Variants in KPNB1 observed in about 807,000 individuals in gnomAD.
KPNB1 encodes the protein importin subunit beta-1.
In KPNB1, 7 loss-of-function variants were observed where a neutral mutation model predicts 113.0. That is an observed-to-expected ratio of 0.06 (90% CI 0.04 to 0.12). KPNB1 has a LOEUF of 0.12. Ranked by LOEUF, KPNB1 falls within the 10% of genes least tolerant of loss-of-function variation. The pLI is 1.00. For missense variants in KPNB1, 400 were observed against 1,054.8 expected (o/e 0.38, Z 8.60); for synonymous variants, 363 against 378.6 (o/e 0.96, Z 0.48).
chr17:47,661,517 G>A (rs1036500646), intron 6 of KPNB1, among the ~76,000 whole-genome samples: 12 of 152,248 alleles, frequency 7.9e-5, no homozygotes, highest in Non-Finnish European at 1.8e-4. Context: ...TACAAGAATC[G>A]CTTGAACCTG....
Position 47,669,794 on chromosome 17 carries a change from C to G in KPNB1, c.1341C>G (p.Val447=). ...TTCCTGAAGCTGCCATCAATGATGT[C>G]TACTTGGCTCCCCTGCTACAGTGTC... The part of the protein sequence containing the change: ...ELLPEAAIND[V]YLAPLLQCLI... Residue 447 remains valine (V), a synonymous_variant, in exon 11 of 22, where the codon GTC becomes GTG. Transcript: ENST00000290158. 1 of 1,614,148 alleles carries G rather than the reference C, an allele frequency of 6.2e-7. No homozygotes were observed. Among genetic ancestry groups the G allele is most frequent in the Non-Finnish European group, 8.5e-7 (1 of 1,180,008 alleles).
chr17:47,654,910 G>A (rs1186015057), intron 3 of KPNB1, among the ~76,000 whole-genome samples: 4 of 152,026 alleles, frequency 2.6e-5, no homozygotes, highest in Non-Finnish European at 5.9e-5. Context: ...TTGACATACC[G>A]TTTTTGTCCA....
rs1396758918 is a variant in KPNB1 at position 47,682,471 on chromosome 17, G to A, written c.*67G>A. 1 of 779,072 alleles carries A rather than the reference G, an allele frequency of 1.3e-6. No individual in the cohort carries two copies. 48.3% of individuals were successfully genotyped at this position (779,072 alleles called of 1,614,324 possible). A position where few individuals can be genotyped will look rare whatever the true frequency, so the allele number is the denominator to read the frequency against. ...AATCTCCCATCTTTTGAAAAACCTG[G>A]AAGTGAGGAGTGTGCACGGATGCTG... On this transcript the variant is annotated 3_prime_UTR_variant, in exon 22 of 22. Transcript: ENST00000290158.
In KPNB1 at chr17:47,670,690, T is replaced by C; in HGVS notation, c.1417-12T>C. On this transcript the variant is annotated splice_polypyrimidine_tract_variant and intron_variant, in intron 11 of 21. Transcript: ENST00000290158. ...TCTTTCAGGATTAACATTGAACCTA[T>C]GTGCATTTCAGGCTTTCTCCAGTCT... The C allele has an allele frequency of 6.2e-7, 1 of 1,605,114 alleles. No homozygotes were observed. Among genetic ancestry groups the C allele is most frequent in the Non-Finnish European group, 8.5e-7 (1 of 1,172,680 alleles).
rs1446697254 is a variant in KPNB1, at chr17:47,649,947, A to G, written c.-298A>G. 1.5e-6 allele frequency: 2 copies of G among 1,298,514 alleles called. No homozygotes were observed. The highest frequency in any genetic ancestry group is 1.9e-6 in the Non-Finnish European group (2 of 1,025,800). The allele number at this position is 1,298,514 out of a possible 1,614,324, so 80.4% of individuals were successfully genotyped here. A position where few individuals can be genotyped will look rare whatever the true frequency, so the allele number is the denominator to read the frequency against. ...TCCCTGCGCGCCGCCTCTCACTCAC[A>G]GCCTCCCTTCCTTCTTTCTCCCTCC... On this transcript the variant is annotated 5_prime_UTR_variant, in exon 1 of 22. Transcript: ENST00000290158.
intron 21 of KPNB1, among the ~76,000 whole-genome samples, chr17:47,681,698 T>TG (rs2030789676): frequency 6.9e-6 from 1 of 145,684 alleles, no homozygotes; most frequent in South Asian, 2.2e-4. Context: ...TTTTTTTTTT[T>TG]TTTTTTTTTT....
chr17:47,656,297 A>C (rs142494979), intron 3 of KPNB1, among the ~76,000 whole-genome samples: 4 of 151,920 alleles, frequency 2.6e-5, no homozygotes, highest in African/African-American at 9.6e-5. Flanking sequence ...GCCTGGGCAC[A>C]GTGGCTCACA....
Position 47,655,949 on chromosome 17 carries a change from C to G in KPNB1, c.283-911C>G, listed in dbSNP as rs543770810. 3.9e-5 allele frequency among the ~76,000 whole-genome samples: 6 copies of G among 152,250 alleles called. No homozygotes were observed. In the East Asian group the frequency reaches 7.7e-4, roughly 20 times the overall value. On this transcript the variant is annotated intron_variant, in intron 3 of 21. Coordinates refer to ENST00000290158, the MANE Select transcript of KPNB1 (RefSeq NM_002265.6). ...TTTCTGACAGCCTTTCCTACTTCTC[C>G]GTATTATAGATAAGAATTCTGAGGC...
chr17:47,665,868 G>A (rs984916172), intron 9 of KPNB1, among the ~76,000 whole-genome samples: 12 of 152,172 alleles, frequency 7.9e-5, no homozygotes, highest in African/African-American at 2.9e-4. Flanking sequence ...GTACTCTGAC[G>A]AAACAATGTT....
At chr17:47,674,934 A>AGT in intron 15 of KPNB1, 152 bp downstream of exon 15, 1 of 708,568 alleles carries the variant, frequency 1.4e-6, no homozygotes. Flanking sequence ...CTTCCACTTC[A>AGT]GTGCCCCCAC....
intron 12 of KPNB1, chr17:47,671,957 C>G (rs897456645): frequency 6.6e-6 from 1 of 151,848 alleles, no homozygotes; most frequent in African/African-American, 2.4e-5. Flanking sequence ...TTTGTATGAG[C>G]TATACCTAAA....
rs1232568336 is a variant in KPNB1, at chr17:47,682,527, A to G, written c.*123A>G. 5.4e-6 allele frequency: 4 copies of G among 740,336 alleles called. No homozygotes were observed. The highest frequency in any genetic ancestry group is 1.9e-5 in the Admixed American group (1 of 53,766). 45.9% of individuals were successfully genotyped at this position (740,336 alleles called of 1,614,324 possible). A position where few individuals can be genotyped will look rare whatever the true frequency, so the allele number is the denominator to read the frequency against. ...TTGGGAATGAGAGGATGAGTGAGTG[A>G]GGCTTGAAAACACACCACATTGAAA... On this transcript the variant is annotated 3_prime_UTR_variant, in exon 22 of 22. Transcript: ENST00000290158.
intron 11 of KPNB1, 117 bp from the exon 12 acceptor site, chr17:47,670,585 C>A (rs989190771): frequency 1.9e-6 from 2 of 1,028,172 alleles, no homozygotes; most frequent in African/African-American, 1.6e-5. Flanking sequence ...TTGAGATGAC[C>A]TTGGCAGAAA....
Position 47,669,664 on chromosome 17 carries a change from T to G in KPNB1, c.1225-14T>G. 1.3e-6 allele frequency: 2 copies of G among 1,560,972 alleles called. No individual in the cohort carries two copies. Among genetic ancestry groups the G allele is most frequent in the Non-Finnish European group, 1.8e-6 (2 of 1,135,448 alleles). ...ATCTTTGTTTTGCTTTGCTAATAAC[T>G]GTTATATTTTCAGGCTATGCCCACC... On this transcript the variant is annotated splice_polypyrimidine_tract_variant and intron_variant, in intron 10 of 21. Coordinates refer to ENST00000290158, the MANE Select transcript of KPNB1 (RefSeq NM_002265.6).
At chr17:47,676,926 C>T in intron 16 of KPNB1, 94 bp from the exon 17 acceptor site, 1 of 872,918 alleles carries the variant, frequency 1.1e-6, no homozygotes, top group Non-Finnish European at 1.8e-6. Flanking sequence ...ACTCTAGGTT[C>T]AAGTGATAAA....
At position 47,658,534 on chromosome 17, in the gene KPNB1, C is replaced by T. The variant is rs1185349988; in HGVS notation, c.510C>T (p.Ser170=). The change falls in exon 5 of 22, where the codon TCC becomes TCT. Residue 170 remains serine, a synonymous_variant. Coordinates refer to ENST00000290158, the MANE Select transcript of KPNB1 (RefSeq NM_002265.6). ...ACCCAGAGCAGCTACAAGATAAATC[C>T]AATGAGATTCTGACTGCCATAATCC... ...DIDPEQLQDK[S]NEILTAIIQG... The T allele has an allele frequency of 2.5e-6, 4 of 1,613,272 alleles. No individual in the cohort carries two copies. Among genetic ancestry groups the T allele is most frequent in the African/African-American group, 2.7e-5 (2 of 74,892 alleles).
At position 47,669,693 on chromosome 17, in the gene KPNB1, A is replaced by G; in HGVS notation, c.1240A>G (p.Ile414Val). ...PLVIQAMPTL[I>V]ELMKDPSVVV... The stretch of plus-strand genomic sequence containing the variant: ...ATATTTTCAGGCTATGCCCACCCTA[A>G]TAGAATTAATGAAAGACCCCAGTGT... The change falls in exon 11 of 22, where the codon ATA becomes GTA. Residue 414 changes from isoleucine (I) to valine (V), a missense_variant. Coordinates refer to ENST00000290158, the MANE Select transcript of KPNB1 (RefSeq NM_002265.6). 6.2e-7 allele frequency: 1 copy of G among 1,604,584 alleles called. No homozygotes were observed. Among genetic ancestry groups the G allele is most frequent in the Non-Finnish European group, 8.5e-7 (1 of 1,171,830 alleles).
At chr17:47,678,558 A>G in intron 19 of KPNB1, 145 bp downstream of exon 19, 1 of 631,634 alleles carries the variant, frequency 1.6e-6, no homozygotes, top group Non-Finnish European at 2.9e-6. Flanking sequence ...GCCCTAATGA[A>G]GAGAGTGGCT....
chr17:47,664,300 C>T (rs370433129), intron 8 of KPNB1, 31 bp downstream of exon 8: 60 of 1,322,906 alleles, frequency 4.5e-5, no homozygotes, highest in African/African-American at 3.3e-4. Context: ...ACTCTGAATA[C>T]GCTTTGGGAC....
Sources: allele counts gnomAD v4.1 joint callset (sites outside exome capture counted in the v4.1 genomes callset), GRCh38; gene constraint gnomAD v4.1.1; transcripts MANE v1.5; gene names NCBI Gene and HGNC (gene_info 2026-07-23, HGNC 2026-07-21).